ECPAS: variants seen among roughly 807,000 people sequenced by gnomAD.
ECPAS encodes the protein Ecm29 proteasome adaptor and scaffold.
In ECPAS, 70 loss-of-function variants were observed where a neutral mutation model predicts 255.1. That is an observed-to-expected ratio of 0.27 (90% CI 0.23 to 0.33). The LOEUF (loss-of-function observed/expected upper bound fraction) is 0.33. Ranked by LOEUF, ECPAS falls within the 10% of genes least tolerant of loss-of-function variation. ECPAS has a pLI of 1.00. For missense variants in ECPAS, 1,817 were observed against 2,206.4 expected (o/e 0.82, Z 3.54); for synonymous variants, 784 against 775.0 (o/e 1.01, Z -0.19).
intron 37 of ECPAS, 110 bp from the exon 38 acceptor site, chr9:111,375,312 G>C: frequency 1.3e-6 from 1 of 760,312 alleles, no homozygotes; most frequent in Non-Finnish European, 2.3e-6. Flanking sequence ...TTGACATGAA[G>C]TTGAAAAATC....
At chr9:111,428,779 G>C (rs1403575027) in intron 9 of ECPAS, among the ~76,000 whole-genome samples, 1 of 151,754 alleles carries the variant, frequency 6.6e-6, no homozygotes, top group Non-Finnish European at 1.5e-5. Flanking sequence ...TTGCAATTTG[G>C]AGTTGAAACC....
rs754657702 is a variant in ECPAS at position 111,437,102 on chromosome 9, C to T, written c.546G>A (p.Val182=). The change falls in exon 7 of 50, where the codon GTG becomes GTA. Residue 182 remains valine (V), a synonymous_variant. Transcript: ENST00000684092. The part of the protein sequence containing the change: ...LDVLLMPYGY[V]LNESQSRQNS... Reference sequence around the variant, plus strand: ...TTTGGCGACTCTGGGATTCATTTAACACGTAACTGGAAAGGAAATAACACT... The same window carrying T: ...TTTGGCGACTCTGGGATTCATTTAATACGTAACTGGAAAGGAAATAACACT... 3.1e-6 allele frequency: 5 copies of T among 1,599,580 alleles called. No individual in the cohort carries two copies. The highest frequency in any genetic ancestry group is 3.6e-5 in the Admixed American group (2 of 55,870).
At chr9:111,474,303 T>C (rs1206212126) in intron 1 of ECPAS, among the ~76,000 whole-genome samples, 7 of 152,314 alleles carry the variant, frequency 4.6e-5, no homozygotes, top group Non-Finnish European at 7.4e-5. Context: ...CTCCTCCACC[T>C]TCTAGTCTCA....
chr9:111,454,714 T>A (rs1355992172), intron 2 of ECPAS, among the ~76,000 whole-genome samples: 1 of 151,988 alleles, frequency 6.6e-6, no homozygotes, highest in Non-Finnish European at 1.5e-5. Context: ...TTTTCCTTTT[T>A]TTTTTTTTTT....
Position 111,442,471 on chromosome 9 carries a change from T to C in ECPAS, c.271-47A>G, listed in dbSNP as rs376665623. 3 of 1,066,268 alleles carry C rather than the reference T, an allele frequency of 2.8e-6. No homozygotes were observed. The South Asian group carries it at 4.1e-5, about 15-fold the overall frequency. 66.1% of individuals were successfully genotyped at this position (1,066,268 alleles called of 1,614,324 possible). Reference sequence around the variant, plus strand: ...AAGTGAGTGTGAAGGAAATACTCTATGATTTCAATGAAAATATATGATTGA... The same window carrying C: ...AAGTGAGTGTGAAGGAAATACTCTACGATTTCAATGAAAATATATGATTGA... On this transcript the variant is annotated intron_variant, in intron 4 of 49. Coordinates refer to ENST00000684092, the MANE Select transcript of ECPAS (RefSeq NM_001364929.1).
chr9:111,425,389 T>G (rs1321968588), intron 12 of ECPAS, 29 bp downstream of exon 12: 1 of 1,388,616 alleles, frequency 7.2e-7, no homozygotes, highest in African/African-American at 1.5e-5. Context: ...TATAAAATGT[T>G]GATAAAATTT....
chr9:111,391,103 C>A (rs2098159185), intron 29 of ECPAS, among the ~76,000 whole-genome samples: 1 of 152,178 alleles, frequency 6.6e-6, no homozygotes, highest in African/African-American at 2.4e-5. Context: ...GCCACCTGTG[C>A]CAGCTCAGAG....
intron 36 of ECPAS, 59 bp downstream of exon 36, chr9:111,378,521 T>C: frequency 6.6e-7 from 1 of 1,512,278 alleles, no homozygotes. Flanking sequence ...TGAACCTTGG[T>C]ATCTTAACAG....
At chr9:111,435,452 C>T (rs2098236584) in intron 7 of ECPAS, among the ~76,000 whole-genome samples, 1 of 152,112 alleles carries the variant, frequency 6.6e-6, no homozygotes, top group African/African-American at 2.4e-5. Context: ...AACAATTTTT[C>T]TCCAGCATTT....
chr9:111,373,412 A>G lies in ECPAS; in HGVS notation c.4178-6T>C. 1 of 1,610,148 alleles carries G rather than the reference A, an allele frequency of 6.2e-7. No homozygotes were observed. Among genetic ancestry groups the G allele is most frequent in the Non-Finnish European group, 8.5e-7 (1 of 1,177,658 alleles). ...CAAAGCACTCATAAGTTTACCTACC[A>G]GAAATAAAGAGAAAAAAATCTGATA... On this transcript the variant is annotated splice_polypyrimidine_tract_variant and splice_region_variant and intron_variant, in intron 39 of 49. Transcript: ENST00000684092.
At chr9:111,396,551 G>A (rs1315184873) in intron 25 of ECPAS, among the ~76,000 whole-genome samples, 2 of 152,014 alleles carry the variant, frequency 1.3e-5, no homozygotes, top group Non-Finnish European at 2.9e-5. Context: ...ATTTCATGCT[G>A]TCTGCTTTTT....
At chr9:111,414,113 A>G (rs1589163715) in intron 19 of ECPAS, 127 bp from the exon 20 acceptor site, 1 of 655,174 alleles carries the variant, frequency 1.5e-6, no homozygotes, top group South Asian at 2.5e-5. Context: ...TAAAAAAAAA[A>G]AAAAGAAAAC....
intron 7 of ECPAS, among the ~76,000 whole-genome samples, chr9:111,434,585 CTTTT>C (rs34507397): frequency 7.3e-5 from 8 of 109,252 alleles, no homozygotes; most frequent in South Asian, 2.9e-4. Flanking sequence ...TTCCAGTTAA[CTTTT>C]TTTTTTTTTT....
intron 2 of ECPAS, among the ~76,000 whole-genome samples, chr9:111,466,029 T>C (rs868830490): frequency 8.1e-5 from 12 of 148,084 alleles, no homozygotes; most frequent in African/African-American, 2.7e-4. Context: ...CAAGACCCTG[T>C]CCCAAAAAAA....
In ECPAS at chr9:111,444,140, A is replaced by G. The variant is rs75635614; in HGVS notation, c.270+238T>C. Reference sequence around the variant, plus strand: ...ACATACCTGACAAGTCATTTCACCAACATTCCTTTGCCCAAAGTAAATAGC... The same window carrying G: ...ACATACCTGACAAGTCATTTCACCAGCATTCCTTTGCCCAAAGTAAATAGC... On this transcript the variant is annotated intron_variant, in intron 4 of 49. Transcript: ENST00000684092. Among the ~76,000 whole-genome samples the G allele has an allele frequency of 7.6e-3, 1,155 of 152,234 alleles. 15 individuals are homozygous for G. The highest frequency in any genetic ancestry group is 0.026 in the African/African-American group (1,100 of 41,532).
chr9:111,433,283 T>C lies in ECPAS; in HGVS notation c.798A>G (p.Thr266=). The C allele has an allele frequency of 4.3e-6, 7 of 1,613,962 alleles. No individual in the cohort carries two copies. Among genetic ancestry groups the C allele is most frequent in the Non-Finnish European group, 5.1e-6 (6 of 1,179,810 alleles). Residue 266 remains threonine (T), a synonymous_variant, in exon 8 of 50, where the codon ACA becomes ACG. Coordinates refer to ENST00000684092, the MANE Select transcript of ECPAS (RefSeq NM_001364929.1). ...VLHLVIASSD[T]RHSVATAADL... ...CTGCTGCCGTTGCCACACTGTGGCG[T>C]GTATCACTAGAGGCAATCACCAAGT...
intron 1 of ECPAS, among the ~76,000 whole-genome samples, chr9:111,474,075 G>A (rs1346379654): frequency 1.3e-5 from 2 of 152,186 alleles, no homozygotes. Flanking sequence ...AACACATTAA[G>A]AAGTATCAGA....
intron 2 of ECPAS, among the ~76,000 whole-genome samples, chr9:111,458,641 G>A (rs974597366): frequency 6.6e-5 from 10 of 151,192 alleles, no homozygotes; most frequent in Non-Finnish European, 1.2e-4. Context: ...TGGAGAGGGA[G>A]AGGAGGGTGG....
chr9:111,374,110 G>T (rs1465241611), intron 38 of ECPAS, 72 bp from the exon 39 acceptor site: 1 of 1,212,744 alleles, frequency 8.2e-7, no homozygotes, highest in Non-Finnish European at 1.2e-6. Context: ...ATTGGCTTAG[G>T]TGCCAAAAAT....
Sources: gnomAD v4.1 joint callset for allele counts (sites outside exome capture counted in the v4.1 genomes callset) on GRCh38, gnomAD v4.1.1 for gene constraint, MANE v1.5 for transcripts, NCBI Gene and HGNC (gene_info 2026-07-23, HGNC 2026-07-21) for gene names.